Variants in ASAH1 observed in about 807,000 individuals in gnomAD.
ASAH1 encodes the protein acid ceramidase.
ASAH1 carries 70 observed loss-of-function variants against 59.5 expected under a neutral mutation model. The ratio of observed to expected loss-of-function variants is 1.18; its 90% CI spans 0.97 to 1.43. ASAH1 has a LOEUF of 1.43. ASAH1 is among the 40% of genes most tolerant of loss of function. The pLI is 0.00. For missense variants in ASAH1, 660 were observed against 482.5 expected (o/e 1.37, Z -3.45); for synonymous variants, 213 against 166.5 (o/e 1.28, Z -2.15).
Position 18,062,418 on chromosome 8 carries a change from T to G in ASAH1, c.509A>C (p.Asn170Thr). 2.5e-6 allele frequency: 4 copies of G among 1,614,144 alleles called. No homozygotes were observed. The highest frequency in any genetic ancestry group is 3.4e-6 in the Non-Finnish European group (4 of 1,179,980). Residue 170 changes from asparagine to threonine, a missense_variant, in exon 8 of 14, where the codon AAC (asparagine) becomes ACC (threonine). Physicochemically the swap from Asn to Thr is moderately conservative, Grantham distance 65 (BLOSUM62 0). Coordinates refer to ENST00000637790, the MANE Select transcript of ASAH1 (RefSeq NM_177924.5). ...NMDFGVFLGWNINNDTWVITE... is the reference protein window; with the variant it reads ...NMDFGVFLGWTINNDTWVITE... ...TATGACCCAGGTATCATTATTTATGTTCCACCTATAAAAGACATGTTTCAG... is the reference window on the plus strand; with the variant it reads ...TATGACCCAGGTATCATTATTTATGGTCCACCTATAAAAGACATGTTTCAG...
chr8:18,083,889 TTCCTTGTACCCGC>T, intron 1 of ASAH1, 79 bp downstream of exon 1: 1 of 1,535,846 alleles, frequency 6.5e-7, no homozygotes, highest in Middle Eastern at 1.7e-4. Flanking sequence ...GCACGAGGTG[TTCCTTGTACCCGC>T]TCGCGCCGCC....
At chr8:18,063,299 T>A in intron 6 of ASAH1, 69 bp from the exon 7 acceptor site, 1 of 1,359,730 alleles carries the variant, frequency 7.4e-7, no homozygotes, top group Non-Finnish European at 1.1e-6. Context: ...GGACAATTAA[T>A]TTTGATTAAT....
At position 18,083,823 on chromosome 8, in the gene ASAH1, C is replaced by G. The variant is rs1226475148; in HGVS notation, c.78+158G>C. 4.1e-6 allele frequency: 6 copies of G among 1,451,060 alleles called. No individual in the cohort carries two copies. The African/African-American group carries it at 7.1e-5, about 17-fold the overall frequency. 89.9% of individuals were successfully genotyped at this position (1,451,060 alleles called of 1,614,324 possible). A position where few individuals can be genotyped will look rare whatever the true frequency, so the allele number is the denominator to read the frequency against. On this transcript the variant is annotated intron_variant, in intron 1 of 13. Transcript: ENST00000637790. ...ACCGAGGACGGGGTTCGCCAGCCCG[C>G]TCTGCACCCACACCCCTGTGCACGA...
chr8:18,070,744 G>A (rs1197630941), intron 3 of ASAH1, among the ~76,000 whole-genome samples: 1 of 152,206 alleles, frequency 6.6e-6, no homozygotes, highest in Non-Finnish European at 1.5e-5. Context: ...CTTTTCCTCT[G>A]CTGTCACTTA....
intron 12 of ASAH1, 36 bp from the exon 13 acceptor site, chr8:18,058,927 A>C: frequency 1.9e-6 from 3 of 1,576,128 alleles, no homozygotes; most frequent in Non-Finnish European, 2.6e-6. Context: ...TCAGTAAGTT[A>C]AATACAGAAG....
chr8:18,064,918 A>G (rs1393652834), intron 5 of ASAH1: 1 of 173,920 alleles, frequency 5.7e-6, no homozygotes, highest in Non-Finnish European at 1.2e-5. Context: ...GTGTGACTAA[A>G]ATTTCTAAGG....
At chr8:18,082,202 A>G (rs558786167) in intron 1 of ASAH1, among the ~76,000 whole-genome samples, 2 of 152,220 alleles carry the variant, frequency 1.3e-5, no homozygotes, top group Non-Finnish European at 2.9e-5. Flanking sequence ...GCTGTTCTAG[A>G]TAAGAACTAT....
chr8:18,063,628 GATTA>G (rs949809556), intron 6 of ASAH1: 9 of 171,524 alleles, frequency 5.2e-5, no homozygotes, highest in African/African-American at 2.2e-4. Flanking sequence ...CTCTAATTTT[GATTA>G]ATTTTTATTC....
chr8:18,057,727 AAT>A, intron 13 of ASAH1, 104 bp from the exon 14 acceptor site: 1 of 559,626 alleles, frequency 1.8e-6, no homozygotes, highest in South Asian at 1.7e-5. Flanking sequence ...GAAGTTATTT[AAT>A]ATTAAATAAT....
At chr8:18,075,470 G>A (rs761289751) in intron 2 of ASAH1, 71 bp downstream of exon 2, 1 of 1,432,570 alleles carries the variant, frequency 7.0e-7, no homozygotes, top group Middle Eastern at 1.8e-4. Context: ...GTTCGTTTAT[G>A]AGCAATTATT....
chr8:18,081,373 C>T (rs1216912848), intron 1 of ASAH1, among the ~76,000 whole-genome samples: 1 of 152,190 alleles, frequency 6.6e-6, no homozygotes, highest in African/African-American at 2.4e-5. Context: ...CCCTTGCTGA[C>T]CTCCAATCCA....
intron 10 of ASAH1, chr8:18,060,005 T>C: frequency 3.0e-6 from 1 of 335,520 alleles, no homozygotes; most frequent in Non-Finnish European, 5.7e-6. Flanking sequence ...TGTTCAGCTC[T>C]CACTTATGAG....
At chr8:18,074,030 G>C (rs1459196664) in intron 2 of ASAH1, among the ~76,000 whole-genome samples, 1 of 151,852 alleles carries the variant, frequency 6.6e-6, no homozygotes, top group Non-Finnish European at 1.5e-5. Flanking sequence ...GGCAATAAGA[G>C]TCAGTAAAAT....
At chr8:18,061,034 T>A (rs920618625) in intron 10 of ASAH1, 8 of 242,576 alleles carry the variant, frequency 3.3e-5, no homozygotes, top group Non-Finnish European at 5.7e-5. Flanking sequence ...ATTACAGGCA[T>A]AAGCCACTGT....
intron 1 of ASAH1, among the ~76,000 whole-genome samples, chr8:18,082,773 T>C (rs530238623): frequency 6.6e-6 from 1 of 152,278 alleles, no homozygotes; most frequent in Admixed American, 6.5e-5. Flanking sequence ...ACCCAATTTG[T>C]TCAGCTTATG....
At chr8:18,059,895 G>A (rs759187050) in intron 10 of ASAH1, 192 bp from the exon 11 acceptor site, 10 of 549,648 alleles carry the variant, frequency 1.8e-5, no homozygotes, top group Middle Eastern at 5.1e-4. Flanking sequence ...AGCCCTACAT[G>A]CATTAGGTAT....
intron 2 of ASAH1, among the ~76,000 whole-genome samples, chr8:18,075,333 C>T (rs1227592893): frequency 6.6e-6 from 1 of 152,166 alleles, no homozygotes; most frequent in Non-Finnish European, 1.5e-5. Flanking sequence ...AGTCTAGCGA[C>T]GGGCATTTGA....
chr8:18,075,783 T>C, intron 1 of ASAH1, 196 bp from the exon 2 acceptor site: 1 of 600,658 alleles, frequency 1.7e-6, no homozygotes, highest in Non-Finnish European at 2.9e-6. Flanking sequence ...GGATTTTCAG[T>C]TTCAATTCAA....
chr8:18,061,017 C>T (rs537571353), intron 10 of ASAH1: 2 of 215,330 alleles, frequency 9.3e-6, no homozygotes, highest in Non-Finnish European at 1.9e-5. Flanking sequence ...CCACCCAAAG[C>T]GTGAGGATTA....
Sources: gnomAD v4.1 joint callset for allele counts (sites outside exome capture counted in the v4.1 genomes callset) on GRCh38, gnomAD v4.1.1 for gene constraint, MANE v1.5 for transcripts, NCBI Gene and HGNC (gene_info 2026-07-23, HGNC 2026-07-21) for gene names.